HSP90AB1: variants seen among roughly 807,000 people sequenced by gnomAD.
HSP90AB1 encodes heat shock protein HSP 90-beta.
In HSP90AB1, 17 loss-of-function variants were observed where a neutral mutation model predicts 67.8. The observed-to-expected ratio is 0.25, with a 90% CI of 0.17 to 0.38. The LOEUF is 0.38. HSP90AB1 is among the 10% of genes least tolerant of loss of function. HSP90AB1 has a pLI of 1.00. For missense variants in HSP90AB1, 690 were observed against 899.9 expected (o/e 0.77, Z 2.98); for synonymous variants, 390 against 312.9 (o/e 1.25, Z -2.60).
chr6:44,250,402 G>C lies in HSP90AB1; in HGVS notation c.760G>C (p.Gly254Arg). Reference sequence around the variant, plus strand: ...AGAAAAACCCAAGATCGAAGATGTGGGTTCAGATGAGGAGGATGACAGCGG... The same window carrying C: ...AGAAAAACCCAAGATCGAAGATGTGCGTTCAGATGAGGAGGATGACAGCGG... The part of the protein sequence containing the change: ...DEEKPKIEDV[G>R]SDEEDDSGKD... The change falls in exon 6 of 12, where the codon GGT becomes CGT. Residue 254 changes from glycine to arginine, a missense_variant. By Grantham distance (125) the Gly-to-Arg change is moderately radical. Around this residue, in one of 7 missense-constraint regions of HSP90AB1, gnomAD observed 146 missense variants for 143.7 expected, o/e 1.02. Coordinates refer to ENST00000371646, the MANE Select transcript of HSP90AB1 (RefSeq NM_007355.4). The C allele has an allele frequency of 6.2e-7, 1 of 1,613,728 alleles. No individual in the cohort carries two copies. Among genetic ancestry groups the C allele is most frequent in the Non-Finnish European group, 8.5e-7 (1 of 1,179,764 alleles).
chr6:44,252,846 C>G (rs1190683763), intron 10 of HSP90AB1, among the ~76,000 whole-genome samples, 199 bp from the exon 11 acceptor site: 1 of 151,566 alleles, frequency 6.6e-6, no homozygotes, highest in Non-Finnish European at 1.5e-5. Context: ...ACTCAAGTCT[C>G]CTGAGTGGCT....
chr6:44,253,411 GTTTGT>G, intron 11 of HSP90AB1, 33 bp downstream of exon 11: 1 of 1,219,522 alleles, frequency 8.2e-7, no homozygotes, highest in Non-Finnish European at 1.1e-6. Flanking sequence ...GTGGCAAGGA[GTTTGT>G]GCAACTCGTC....
chr6:44,249,343 A>G (rs1259246220), intron 2 of HSP90AB1, 34 bp from the exon 3 acceptor site: 21 of 1,562,750 alleles, frequency 1.3e-5, no homozygotes, highest in Non-Finnish European at 1.8e-5. Context: ...CTGTCTTGGA[A>G]AGAGCAAAAG....
At position 44,253,551 on chromosome 6, in the gene HSP90AB1, CCT is replaced by C. The variant is rs1561903029; in HGVS notation, c.2132_2133del (p.Leu711ArgfsTer4). 4 of 1,614,170 alleles carry C rather than the reference CCT, an allele frequency of 2.5e-6. No homozygotes were observed. The highest frequency in any genetic ancestry group is 1.7e-6 in the Non-Finnish European group (2 of 1,180,008). ...PNAAVPDEIP[P>X]LEGDEDASRM... ...TGCTGCAGTTCCTGATGAGATCCCC[CCT>C]CTCGAGGGCGATGAGGATGCGTCTC... On this transcript the variant is annotated frameshift_variant, in exon 12 of 12. Transcript: ENST00000371646. LOFTEE classifies it high-confidence loss of function.
Position 44,248,426 on chromosome 6 carries a change from T to C in HSP90AB1, c.1-204T>C, listed in dbSNP as rs1406249556. Among the ~76,000 whole-genome samples the C allele has an allele frequency of 5.9e-5, 9 of 152,230 alleles. No homozygotes were observed. The East Asian group carries it at 9.6e-4, about 16-fold the overall frequency. ...TGAAGAATATTTAGCTTATTTTCTT[T>C]TTCCTTCTGAATTTTCAGGCCTCCC... On this transcript the variant is annotated intron_variant, in intron 1 of 11. Transcript: ENST00000371646.
upstream of HSP90AB1, chr6:44,247,050 G>C (rs568797897): frequency 6.6e-6 from 1 of 152,216 alleles, no homozygotes; most frequent in Admixed American, 6.5e-5. Context: ...ACAGGAGGGC[G>C]GCTGTACTGT....
At chr6:44,247,352 G>A (rs2153315845) in intron 1 of HSP90AB1, among the ~76,000 whole-genome samples, 157 bp downstream of exon 1, 1 of 151,980 alleles carries the variant, frequency 6.6e-6, no homozygotes, top group Non-Finnish European at 1.5e-5. Flanking sequence ...GGTGGGTGAG[G>A]TTTTTTGAGT....
chr6:44,250,511 C>G lies in HSP90AB1; in HGVS notation c.869C>G (p.Thr290Ser), dbSNP rs2153319959. ...EELNKTKPIW[T>S]RNPDDITQEE... is the part of the protein sequence containing the mutation. ...CTAAACAAGACCAAGCCTATTTGGACCAGAAACCCTGATGACATCACCCAA... is the reference window on the plus strand; with the variant it reads ...CTAAACAAGACCAAGCCTATTTGGAGCAGAAACCCTGATGACATCACCCAA... The change falls in exon 6 of 12, where the codon ACC becomes AGC. Residue 290 changes from threonine (T) to serine (S), a missense_variant. Transcript: ENST00000371646. The G allele has an allele frequency of 6.2e-7, 1 of 1,613,942 alleles. No individual in the cohort carries two copies. Among genetic ancestry groups the G allele is most frequent in the East Asian group, 2.2e-5 (1 of 44,880 alleles).
intron 1 of HSP90AB1, chr6:44,247,720 C>T (rs920233249): frequency 6.6e-6 from 1 of 152,252 alleles, no homozygotes; most frequent in Non-Finnish European, 1.5e-5. Context: ...ACCCGATACT[C>T]CCTCCTTCCA....
At chr6:44,250,255 T>C (rs779517590) in intron 5 of HSP90AB1, 36 bp from the exon 6 acceptor site, 38 of 1,611,210 alleles carry the variant, frequency 2.4e-5, no homozygotes, top group Admixed American at 5.0e-5. Flanking sequence ...GGTAGTGTTT[T>C]GTACTCCAAG....
At chr6:44,252,772 C>T (rs1162704292) in intron 10 of HSP90AB1, among the ~76,000 whole-genome samples, 1 of 151,572 alleles carries the variant, frequency 6.6e-6, no homozygotes, top group Admixed American at 6.6e-5. Context: ...CTGGGATTAA[C>T]AGGCGCAAGC....
At chr6:44,249,641 T>G in intron 3 of HSP90AB1, 34 bp from the exon 4 acceptor site, 1 of 1,611,602 alleles carries the variant, frequency 6.2e-7, no homozygotes, top group South Asian at 1.1e-5. Flanking sequence ...TTTGCTTCTT[T>G]AAAACTTGTG....
At chr6:44,253,447 A>C (rs765635669) in intron 11 of HSP90AB1, 42 bp from the exon 12 acceptor site, 2 of 1,605,924 alleles carry the variant, frequency 1.2e-6, no homozygotes, top group South Asian at 2.2e-5. Flanking sequence ...ATTTGACTTA[A>C]TGCTATTTGG....
Position 44,250,594 on chromosome 6 carries a change from G to A in HSP90AB1, c.952G>A (p.Val318Ile), listed in dbSNP as rs951178270. Residue 318 changes from valine to isoleucine, a missense_variant, in exon 6 of 12, where the codon GTC (valine) becomes ATC (isoleucine). Around this residue, in one of 7 missense-constraint regions of HSP90AB1, gnomAD observed 101 missense variants for 174.8 expected, o/e 0.58. Transcript: ENST00000371646. ...TAATGACTGGGAAGACCACTTGGCA[G>A]TCAAGGTGTGAGAAGCCTTTGCATG... ...LTNDWEDHLA[V>I]KHFSVEGQLE... The A allele has an allele frequency of 2.3e-5, 37 of 1,582,088 alleles. No individual in the cohort carries two copies. Among genetic ancestry groups the A allele is most frequent in the Non-Finnish European group, 2.9e-5 (34 of 1,153,104 alleles).
In HSP90AB1 at chr6:44,252,275, A is replaced by G; in HGVS notation, c.1731+8A>G. 4 of 1,611,930 alleles carry G rather than the reference A, an allele frequency of 2.5e-6. No homozygotes were observed. The highest frequency in any genetic ancestry group is 3.4e-6 in the Non-Finnish European group (4 of 1,179,328). ...GATAAGAAGGTTGAGAAGGTAAGCC[A>G]TTCTGGGGCTAGGATATATTTTGTA... On this transcript the variant is annotated splice_region_variant and intron_variant, in intron 10 of 11. Transcript: ENST00000371646.
Position 44,253,130 on chromosome 6 carries a change from T to C in HSP90AB1, c.1817T>C (p.Met606Thr). The stretch of plus-strand genomic sequence containing the variant: ...TGGACAGCCAATATGGAGCGGATCA[T>C]GAAAGCCCAGGCACTTCGGGACAAC... ...YGWTANMERI[M>T]KAQALRDNST... The change falls in exon 11 of 12, where the codon ATG becomes ACG. Residue 606 changes from methionine (M) to threonine (T), a missense_variant. By Grantham distance (81) the Met-to-Thr change is moderately conservative. Transcript: ENST00000371646. 6.2e-7 allele frequency: 1 copy of C among 1,614,194 alleles called. No homozygotes were observed. Among genetic ancestry groups the C allele is most frequent in the Non-Finnish European group, 8.5e-7 (1 of 1,180,034 alleles).
chr6:44,253,580 C>CGATGAGG lies in HSP90AB1; in HGVS notation c.2157_2158insGATGAGG (p.Met720AspfsTer10). 1 of 1,613,762 alleles carries CGATGAGG rather than the reference C, an allele frequency of 6.2e-7. No homozygotes were observed. The highest frequency in any genetic ancestry group is 8.5e-7 in the Non-Finnish European group (1 of 1,179,636). On this transcript the variant is annotated frameshift_variant, in exon 12 of 12. Transcript: ENST00000371646. LOFTEE classifies it high-confidence loss of function. ...TCGAGGGCGATGAGGATGCGTCTCG[C>CGATGAGG]ATGGAAGAAGTCGATTAGGTTAGGA...
In HSP90AB1 at chr6:44,248,600, C is replaced by T. The variant is rs187398161; in HGVS notation, c.1-30C>T. 503 of 1,596,038 alleles carry T rather than the reference C, an allele frequency of 3.2e-4. 1 individual carries two copies. In the African/African-American group the frequency reaches 5.4e-3, roughly 17 times the overall value. On this transcript the variant is annotated intron_variant, in intron 1 of 11. Coordinates refer to ENST00000371646, the MANE Select transcript of HSP90AB1 (RefSeq NM_007355.4). ...TTTTTAAACATGGGGCCTTAGTGTT[C>T]TTTTGTAATTAATGAGATTTTTATT...
intron 1 of HSP90AB1, among the ~76,000 whole-genome samples, chr6:44,248,384 G>C (rs935293872): frequency 6.6e-5 from 10 of 152,198 alleles, no homozygotes; most frequent in Non-Finnish European, 2.9e-5. Context: ...AAGTAGGTGG[G>C]TTCTGTGACA....
Sources: gnomAD v4.1 joint callset for allele counts (sites outside exome capture counted in the v4.1 genomes callset) on GRCh38, gnomAD v4.1.1 for gene constraint, gnomAD v4.1.1 regional missense constraint, MANE v1.5 for transcripts, NCBI Gene and HGNC (gene_info 2026-07-23, HGNC 2026-07-21) for gene names.